The following BMP8B variants were observed in gnomAD, a reference collection of about 807,000 sequenced individuals.
BMP8B encodes bone morphogenetic protein 8b, also known as bone morphogenetic protein 8 (osteogenic protein 2).
In BMP8B, 17 loss-of-function variants were observed where a neutral mutation model predicts 30.3. The ratio of observed to expected loss-of-function variants is 0.56; its 90% CI spans 0.38 to 0.84. BMP8B has a LOEUF of 0.84. Ranked by LOEUF, BMP8B falls within the 40% of genes least tolerant of loss-of-function variation. The pLI, the probability that BMP8B is intolerant of heterozygous loss-of-function variation, is 0.00. For missense variants in BMP8B, 253 were observed against 494.6 expected (o/e 0.51, Z 4.63); for synonymous variants, 131 against 214.7 (o/e 0.61, Z 3.41).
At chr1:39,787,356 G>A in intron 1 of BMP8B, among the ~76,000 whole-genome samples, 1 of 152,210 alleles carries the variant, frequency 6.6e-6, no homozygotes. Flanking sequence ...AAGCAGATGG[G>A]TGACCTGACC....
intron 1 of BMP8B, among the ~76,000 whole-genome samples, chr1:39,787,409 A>G (rs1651058318): frequency 6.6e-6 from 1 of 151,928 alleles, no homozygotes; most frequent in South Asian, 2.1e-4. Flanking sequence ...TTAGTACTGG[A>G]AAAAAAATCT....
chr1:39,775,092 G>C, intron 1 of BMP8B, 54 bp from the exon 2 acceptor site: 12 of 1,505,610 alleles, frequency 8.0e-6, no homozygotes, highest in Non-Finnish European at 1.1e-5. Flanking sequence ...GGCTCTGGAG[G>C]GGGCAGAGCT....
intron 4 of BMP8B, 160 bp from the exon 5 acceptor site, chr1:39,763,951 G>C (rs193187112): frequency 3.1e-6 from 3 of 980,592 alleles, no homozygotes; most frequent in East Asian, 5.4e-5. Context: ...AACTCTGCTT[G>C]TACCATGACC....
intron 1 of BMP8B, among the ~76,000 whole-genome samples, chr1:39,782,790 G>A (rs1297293768): frequency 6.6e-6 from 1 of 151,896 alleles, no homozygotes; most frequent in Non-Finnish European, 1.5e-5. Flanking sequence ...AGGTTTTTAT[G>A]TGCCTTAACC....
At chr1:39,778,482 G>T (rs923413794) in intron 1 of BMP8B, among the ~76,000 whole-genome samples, 64 of 151,426 alleles carry the variant, frequency 4.2e-4, no homozygotes, top group African/African-American at 1.5e-3. Flanking sequence ...TGTTGGTTCT[G>T]CGTCCTGAAG....
chr1:39,775,312 C>T (rs891578867), intron 1 of BMP8B, among the ~76,000 whole-genome samples: 11 of 152,198 alleles, frequency 7.2e-5, no homozygotes, highest in Non-Finnish European at 1.2e-4. Flanking sequence ...CCTGAACTCC[C>T]GTTGCGCCCC....
chr1:39,770,344 T>C, intron 3 of BMP8B: 14 of 1,591,902 alleles, frequency 8.8e-6, no homozygotes, highest in Non-Finnish European at 1.2e-5. Flanking sequence ...GAGCTGCGCG[T>C]CTGATGATGC....
chr1:39,782,459 C>CTAAGTATTGTT (rs3062778), intron 1 of BMP8B, among the ~76,000 whole-genome samples: 1 of 151,274 alleles, frequency 6.6e-6, no homozygotes, highest in African/African-American at 2.4e-5. Context: ...CAGACACTTG[C>CTAAGTATTGTT]TTTGTTTTTG....
chr1:39,778,383 A>C (rs1650380056), intron 1 of BMP8B, among the ~76,000 whole-genome samples: 1 of 151,652 alleles, frequency 6.6e-6, no homozygotes, highest in Non-Finnish European at 1.5e-5. Context: ...CACAGGCAGC[A>C]AAGGCGGTGG....
chr1:39,779,332 C>A (rs1031368183), intron 1 of BMP8B, among the ~76,000 whole-genome samples: 1 of 152,100 alleles, frequency 6.6e-6, no homozygotes, highest in African/African-American at 2.4e-5. Context: ...CTGCTCTTGG[C>A]ACTCGCTGCC....
intron 3 of BMP8B, chr1:39,770,368 C>G: frequency 6.3e-7 from 1 of 1,597,168 alleles, no homozygotes; most frequent in Non-Finnish European, 8.5e-7. Context: ...TCCTGGCGTC[C>G]TCTTCCTTTC....
chr1:39,769,326 TGA>T (rs976040722), intron 3 of BMP8B, among the ~76,000 whole-genome samples: 18 of 150,464 alleles, frequency 1.2e-4, no homozygotes, highest in African/African-American at 3.2e-4. Context: ...TACTCTGGGT[TGA>T]GTGATTTTCT....
At chr1:39,780,071 C>T (rs1172706221) in intron 1 of BMP8B, among the ~76,000 whole-genome samples, 2 of 152,280 alleles carry the variant, frequency 1.3e-5, no homozygotes, top group African/African-American at 2.4e-5. Context: ...TCCCCCAGAA[C>T]GAGGCATCCG....
At chr1:39,763,342 G>C in intron 5 of BMP8B, 140 bp from the exon 6 acceptor site, 1 of 833,668 alleles carries the variant, frequency 1.2e-6, no homozygotes, top group East Asian at 2.6e-5. Flanking sequence ...GAAAAGGCTG[G>C]GCAGGAGCTC....
chr1:39,761,581 C>T (rs900805930), intron 6 of BMP8B, among the ~76,000 whole-genome samples: 13 of 152,256 alleles, frequency 8.5e-5, no homozygotes, highest in South Asian at 2.1e-4. Context: ...CTAGGGGAGC[C>T]GGCCCTGCCC....
At chr1:39,782,862 G>A (rs1035690369) in intron 1 of BMP8B, among the ~76,000 whole-genome samples, 73 of 152,074 alleles carry the variant, frequency 4.8e-4, no homozygotes, top group African/African-American at 1.7e-3. Context: ...GTCTTGCTCT[G>A]TCTCCCAGGC....
intron 3 of BMP8B, chr1:39,771,286 G>A (rs1392615059): frequency 1.4e-6 from 2 of 1,474,030 alleles, no homozygotes; most frequent in South Asian, 1.4e-5. Context: ...CAGGACAGGT[G>A]GTGTGAGCCC....
chr1:39,762,639 C>T (rs759790738), intron 6 of BMP8B: 100 of 1,542,758 alleles, frequency 6.5e-5, no homozygotes, highest in Middle Eastern at 1.7e-4. Flanking sequence ...TTCCTGCCTG[C>T]GGTGCGGCAC....
At chr1:39,769,640 C>T in intron 3 of BMP8B, 1 of 1,463,420 alleles carries the variant, frequency 6.8e-7, no homozygotes, top group Non-Finnish European at 9.0e-7. Context: ...CATGTATTCC[C>T]CTGGGGAACC....
Sources: gnomAD v4.1 joint callset for allele counts (sites outside exome capture counted in the v4.1 genomes callset) on GRCh38, gnomAD v4.1.1 for gene constraint, MANE v1.5 for transcripts, NCBI Gene and HGNC (gene_info 2026-07-23, HGNC 2026-07-21) for gene names.